KIF26B: variants seen among roughly 807,000 people sequenced by gnomAD.
KIF26B encodes kinesin-like protein KIF26B.
In KIF26B, 63 loss-of-function variants were observed where a neutral mutation model predicts 151.2. That is an observed-to-expected ratio of 0.42 (90% CI 0.34 to 0.51). The LOEUF (loss-of-function observed/expected upper bound fraction) is 0.51. KIF26B is among the 20% of genes least tolerant of loss of function. The pLI, the probability that KIF26B is intolerant of heterozygous loss-of-function variation, is 0.07. For synonymous variants in KIF26B, 1,357 were observed against 1,262.1 expected (o/e 1.08, Z -1.59); for missense variants, 2,813 against 2,913.6 (o/e 0.97, Z 0.79).
At chr1:245,336,392 A>AG in intron 2 of KIF26B, among the ~76,000 whole-genome samples, 1 of 152,334 alleles carries the variant, frequency 6.6e-6, no homozygotes, top group East Asian at 1.9e-4. Context: ...CGTGCAAGAC[A>AG]GGGGTCATGG....
In KIF26B at chr1:245,373,428, C is replaced by T. The variant is rs182649997; in HGVS notation, c.999+6061C>T. ...CTCGCTGGCATTTCGATGCCACACT[C>T]AATACAGGGGCATTTGAAAGGATAG... On this transcript the variant is annotated intron_variant, in intron 3 of 14. Coordinates refer to ENST00000407071, the MANE Select transcript of KIF26B (RefSeq NM_018012.4). Among the ~76,000 whole-genome samples, 235 of 152,278 alleles carry T rather than the reference C, an allele frequency of 1.5e-3. 1 individual carries two copies. The highest frequency in any genetic ancestry group is 5.2e-3 in the African/African-American group (218 of 41,550).
In KIF26B at chr1:245,688,470, G is replaced by T; in HGVS notation, c.5487G>T (p.Ala1829=). 1 of 1,376,504 alleles carries T rather than the reference G, an allele frequency of 7.3e-7. No individual in the cohort carries two copies. Among genetic ancestry groups the T allele is most frequent in the Non-Finnish European group, 9.3e-7 (1 of 1,076,414 alleles). 85.3% of individuals were successfully genotyped at this position (1,376,504 alleles called of 1,614,324 possible). The change falls in exon 12 of 15, where the codon GCG becomes GCT. Residue 1829 remains alanine (A), a synonymous_variant. Coordinates refer to ENST00000407071, the MANE Select transcript of KIF26B (RefSeq NM_018012.4). ...TGCAGCTGCGGGCCGGGCCCGAGGC[G>T]GAGGCGCGCGGGGGGGCCCTGGCCG... ...RGLQLRAGPE[A]EARGGALAED...
chr1:245,513,856 G>A (rs1311019812), intron 4 of KIF26B, among the ~76,000 whole-genome samples: 2 of 152,016 alleles, frequency 1.3e-5, no homozygotes, highest in African/African-American at 2.4e-5. Flanking sequence ...GTGTTACATC[G>A]GCCCACATTT....
At chr1:245,321,341 A>G (rs1476505961) in intron 2 of KIF26B, among the ~76,000 whole-genome samples, 1 of 152,178 alleles carries the variant, frequency 6.6e-6, no homozygotes, top group Non-Finnish European at 1.5e-5. Context: ...TTTCCATCGA[A>G]GTTACATTTT....
At chr1:245,314,742 C>T (rs942761437) in intron 2 of KIF26B, among the ~76,000 whole-genome samples, 3 of 152,146 alleles carry the variant, frequency 2.0e-5, no homozygotes, top group East Asian at 3.8e-4. Context: ...GCCCTCCATT[C>T]GTCAGTTGCC....
intron 3 of KIF26B, among the ~76,000 whole-genome samples, chr1:245,382,498 T>C (rs1213060135): frequency 1.3e-5 from 2 of 151,990 alleles, no homozygotes; most frequent in African/African-American, 2.4e-5. Flanking sequence ...AGAAATAAAT[T>C]GTTTTTGGTT....
At position 245,267,541 on chromosome 1, in the gene KIF26B, C is replaced by T. The variant is rs140676688; in HGVS notation, c.466-99293C>T. On this transcript the variant is annotated intron_variant, in intron 2 of 14. Coordinates refer to ENST00000407071, the MANE Select transcript of KIF26B (RefSeq NM_018012.4). ...GTGCAGAAAAGCTCAACTGGAGTTA[C>T]CTGCAAATGCAGGCATATGTGATAG... Among the ~76,000 whole-genome samples the T allele has an allele frequency of 4.2e-3, 632 of 151,860 alleles. 7 individuals are homozygous for T. Among genetic ancestry groups the T allele is most frequent in the African/African-American group, 0.014 (573 of 41,428 alleles).
intron 3 of KIF26B, among the ~76,000 whole-genome samples, chr1:245,389,561 A>G (rs991489393): frequency 3.3e-5 from 5 of 152,228 alleles, no homozygotes; most frequent in African/African-American, 9.6e-5. Context: ...ATGCATCAAC[A>G]TTAAAAATGA....
rs188643943 is a variant in KIF26B, at chr1:245,656,217, G to A, written c.2258+9937G>A. 1.5e-4 allele frequency among the ~76,000 whole-genome samples: 17 copies of A among 114,172 alleles called. No homozygotes were observed. In the East Asian group the frequency reaches 2.4e-3, roughly 16 times the overall value. 74.9% of individuals were successfully genotyped at this position (114,172 alleles called of 152,430 possible). A position where few individuals can be genotyped will look rare whatever the true frequency, so the allele number is the denominator to read the frequency against. On this transcript the variant is annotated intron_variant, in intron 10 of 14. Coordinates refer to ENST00000407071, the MANE Select transcript of KIF26B (RefSeq NM_018012.4). ...AATATACGCACATCAGCGCTGAATC[G>A]GCACTAAGGGAAGAAGGGGTCGGGT... is the stretch of plus-strand genomic sequence containing the variant.
chr1:245,545,420 A>C (rs1357184524), intron 5 of KIF26B, among the ~76,000 whole-genome samples: 1 of 152,106 alleles, frequency 6.6e-6, no homozygotes, highest in Non-Finnish European at 1.5e-5. Context: ...ATATTTATTA[A>C]GCACCTACTA....
chr1:245,357,204 C>A (rs894130178), intron 2 of KIF26B, among the ~76,000 whole-genome samples: 2 of 152,130 alleles, frequency 1.3e-5, no homozygotes, highest in Non-Finnish European at 2.9e-5. Flanking sequence ...GATTTTAAGC[C>A]GAGGACTGGC....
At chr1:245,690,744 G>GT (rs1553306162) in intron 12 of KIF26B, among the ~76,000 whole-genome samples, 8 of 151,838 alleles carry the variant, frequency 5.3e-5, no homozygotes, top group Non-Finnish European at 7.4e-5. Flanking sequence ...TTTGCCTGGG[G>GT]GGGGGGTATG....
At position 245,184,420 on chromosome 1, in the gene KIF26B, C is replaced by G. The variant is rs932074171; in HGVS notation, c.465+27737C>G. ...TCCTGGGTTGGCTTTAGACTCTGGC[C>G]TTGGCGTTTGTGTGTACACATGTGC... is the stretch of plus-strand genomic sequence containing the variant. On this transcript the variant is annotated intron_variant, in intron 2 of 14. Coordinates refer to ENST00000407071, the MANE Select transcript of KIF26B (RefSeq NM_018012.4). Among the ~76,000 whole-genome samples, 7 of 152,014 alleles carry G rather than the reference C, an allele frequency of 4.6e-5. No homozygotes were observed. In the South Asian group the frequency reaches 1.5e-3, roughly 32 times the overall value.
chr1:245,626,182 G>A (rs939429109), intron 9 of KIF26B, among the ~76,000 whole-genome samples: 7 of 152,166 alleles, frequency 4.6e-5, no homozygotes, highest in African/African-American at 1.7e-4. Flanking sequence ...ATAGAGCTGT[G>A]ATAAATATAG....
intron 12 of KIF26B, among the ~76,000 whole-genome samples, chr1:245,697,037 G>T: frequency 6.6e-6 from 1 of 152,164 alleles, no homozygotes; most frequent in East Asian, 1.9e-4. Flanking sequence ...ATTGAACCCA[G>T]CAGGCAGAGG....
At chr1:245,295,229 C>G (rs899773736) in intron 2 of KIF26B, among the ~76,000 whole-genome samples, 4 of 152,096 alleles carry the variant, frequency 2.6e-5, no homozygotes, top group African/African-American at 7.2e-5. Context: ...TTACACACAC[C>G]ATTGGTTTAA....
chr1:245,579,691 A>C (rs111775541), intron 5 of KIF26B, among the ~76,000 whole-genome samples: 3 of 134,608 alleles, frequency 2.2e-5, no homozygotes, highest in Non-Finnish European at 3.2e-5. Flanking sequence ...ACAAACAAAC[A>C]AACCAAATTA....
intron 2 of KIF26B, chr1:245,206,880 T>C (rs1669416388): frequency 6.6e-6 from 1 of 152,228 alleles, no homozygotes. Context: ...TTAAAAGTAA[T>C]ATATGCCATT....
chr1:245,212,365 C>T lies in KIF26B; in HGVS notation c.465+55682C>T, dbSNP rs1028594724. 7.9e-5 allele frequency among the ~76,000 whole-genome samples: 12 copies of T among 152,268 alleles called. No individual in the cohort carries two copies. The East Asian group carries it at 1.4e-3, about 17-fold the overall frequency. ...CGTTCCTGCAGGACACCCTGCCGCCCGTGCCACCTGTTCTCTCCCACGTGA... is the reference window on the plus strand; with the variant it reads ...CGTTCCTGCAGGACACCCTGCCGCCTGTGCCACCTGTTCTCTCCCACGTGA... On this transcript the variant is annotated intron_variant, in intron 2 of 14. Transcript: ENST00000407071.
Sources: gnomAD v4.1 joint callset for allele counts (sites outside exome capture counted in the v4.1 genomes callset) on GRCh38, gnomAD v4.1.1 for gene constraint, MANE v1.5 for transcripts, NCBI Gene and HGNC (gene_info 2026-07-23, HGNC 2026-07-21) for gene names.